Variants in CHSY3 observed in about 807,000 individuals in gnomAD.
The protein encoded by CHSY3 is N-acetylgalactosaminyl-proteoglycan 3-beta-glucuronosyltransferase 3.
CHSY3 carries 35 observed loss-of-function variants against 67.2 expected under a neutral mutation model. The ratio of observed to expected loss-of-function variants is 0.52; its 90% CI spans 0.40 to 0.69. The LOEUF (loss-of-function observed/expected upper bound fraction) is 0.69, where lower values mean the gene tolerates loss of function less well. Among genes scored for constraint, CHSY3 ranks in the 30% least tolerant of loss-of-function variants. The pLI, the probability that CHSY3 is intolerant of heterozygous loss-of-function variation, is 0.00. For synonymous variants in CHSY3, 474 were observed against 434.7 expected, an observed-to-expected ratio of 1.09 and a Z score of -1.12; for missense variants, 1,069 against 1,138.5, an observed-to-expected ratio of 0.94 and a Z score of 0.88.
rs144378742 is a variant in CHSY3, at chr5:130,067,284, G to A, written c.1087-116945G>A. ...TGTGTGTTTCTCTATGGATTTGTCA[G>A]CATTTTATATTTTCATTAGATGTGT... On this transcript the variant is annotated intron_variant, in intron 2 of 2. Coordinates refer to ENST00000305031, the MANE Select transcript of CHSY3 (RefSeq NM_175856.5). Among the ~76,000 whole-genome samples the A allele has an allele frequency of 1.6e-3, 240 of 152,130 alleles. 2 individuals are homozygous for A. The highest frequency in any genetic ancestry group is 5.5e-3 in the African/African-American group (229 of 41,512).
rs146733791 is a variant in CHSY3, at chr5:130,077,193, G to A, written c.1087-107036G>A. Among the ~76,000 whole-genome samples the A allele has an allele frequency of 3.1e-3, 478 of 152,032 alleles. 3 individuals carry two copies. The highest frequency in any genetic ancestry group is 0.01 in the African/African-American group (421 of 41,512). ...AGTATAGTTGGAAGAGGCATAAATG[G>A]TGCCCACATGTGGCCAGAAGAAGTA... On this transcript the variant is annotated intron_variant, in intron 2 of 2. Coordinates refer to ENST00000305031, the MANE Select transcript of CHSY3 (RefSeq NM_175856.5).
chr5:129,931,021 G>C (rs1761290035), intron 2 of CHSY3, among the ~76,000 whole-genome samples: 1 of 152,010 alleles, frequency 6.6e-6, no homozygotes, highest in East Asian at 1.9e-4. Context: ...ATTACAGTCT[G>C]CCTATAGTAA....
intron 2 of CHSY3, among the ~76,000 whole-genome samples, chr5:130,181,869 ATTG>A (rs1275020550): frequency 6.6e-6 from 1 of 152,084 alleles, no homozygotes; most frequent in African/African-American, 2.4e-5. Flanking sequence ...TAATTGATGT[ATTG>A]TTTTTCATTA....
chr5:130,182,159 C>T (rs538571797), intron 2 of CHSY3, among the ~76,000 whole-genome samples: 2 of 152,168 alleles, frequency 1.3e-5, no homozygotes, highest in South Asian at 2.1e-4. Flanking sequence ...CCACTGCCTT[C>T]ACAATGCACA....
intron 2 of CHSY3, among the ~76,000 whole-genome samples, chr5:130,082,541 G>C (rs1198750719): frequency 6.6e-6 from 1 of 151,850 alleles, no homozygotes; most frequent in African/African-American, 2.4e-5. Context: ...TTATATTATT[G>C]CAAGAGTTTA....
chr5:130,114,693 T>A (rs1439159059), intron 2 of CHSY3, among the ~76,000 whole-genome samples: 2 of 152,192 alleles, frequency 1.3e-5, no homozygotes, highest in Non-Finnish European at 2.9e-5. Flanking sequence ...TTATGTGGTA[T>A]GCCTAAAACA....
At chr5:130,174,808 G>C (rs1022799863) in intron 2 of CHSY3, among the ~76,000 whole-genome samples, 1 of 151,994 alleles carries the variant, frequency 6.6e-6, no homozygotes, top group Admixed American at 6.6e-5. Context: ...GTTAAACTGA[G>C]GCACAAAAAG....
intron 2 of CHSY3, among the ~76,000 whole-genome samples, chr5:130,031,814 A>C (rs1764710556): frequency 6.6e-6 from 1 of 152,168 alleles, no homozygotes; most frequent in Non-Finnish European, 1.5e-5. Context: ...ACAAATTGAC[A>C]TTTGGGTAAA....
chr5:129,939,509 A>G (rs1761629929), intron 2 of CHSY3, among the ~76,000 whole-genome samples: 1 of 152,240 alleles, frequency 6.6e-6, no homozygotes, highest in African/African-American at 2.4e-5. Flanking sequence ...CATTTCACAT[A>G]GAGCCTCAGG....
intron 2 of CHSY3, among the ~76,000 whole-genome samples, chr5:130,020,300 A>G (rs1322407042): frequency 2.6e-5 from 4 of 151,468 alleles, no homozygotes; most frequent in African/African-American, 9.7e-5. Flanking sequence ...TGGTGCCTGT[A>G]GTCCAGCTAC....
chr5:130,156,469 A>G lies in CHSY3; in HGVS notation c.1087-27760A>G, dbSNP rs147933302. Among the ~76,000 whole-genome samples, 313 of 152,302 alleles carry G rather than the reference A, an allele frequency of 2.1e-3. 2 individuals carry two copies. The highest frequency in any genetic ancestry group is 7.2e-3 in the African/African-American group (299 of 41,570). On this transcript the variant is annotated intron_variant, in intron 2 of 2. Coordinates refer to ENST00000305031, the MANE Select transcript of CHSY3 (RefSeq NM_175856.5). ...AGCATTTCTTCGCAGCATACCTGTG[A>G]GATGGGTCAATATCACCATTTTACA... is the stretch of plus-strand genomic sequence containing the variant.
intron 2 of CHSY3, among the ~76,000 whole-genome samples, chr5:130,088,767 G>A (rs1401793083): frequency 6.6e-6 from 1 of 152,144 alleles, no homozygotes; most frequent in Admixed American, 6.5e-5. Flanking sequence ...CTTTTACATT[G>A]TTGGTGGGAC....
chr5:130,176,029 C>T (rs1388627366), intron 2 of CHSY3, among the ~76,000 whole-genome samples: 2 of 152,050 alleles, frequency 1.3e-5, no homozygotes, highest in African/African-American at 4.8e-5. Context: ...AGAGCTTCTG[C>T]ACAGTAAAAG....
chr5:129,921,259 C>T (rs1760915611), intron 2 of CHSY3, among the ~76,000 whole-genome samples: 1 of 152,132 alleles, frequency 6.6e-6, no homozygotes, highest in Non-Finnish European at 1.5e-5. Flanking sequence ...GTACTATGCA[C>T]AAGCACTATG....
chr5:130,106,162 C>CTAATTAA, intron 2 of CHSY3, among the ~76,000 whole-genome samples: 1 of 151,518 alleles, frequency 6.6e-6, no homozygotes, highest in Non-Finnish European at 1.5e-5. Context: ...TACTGTACCA[C>CTAATTAA]GTGATACATT....
chr5:130,003,330 T>C (rs1763786284), intron 2 of CHSY3, among the ~76,000 whole-genome samples: 1 of 152,214 alleles, frequency 6.6e-6, no homozygotes, highest in African/African-American at 2.4e-5. Flanking sequence ...GACAGAAGGC[T>C]GTTAAAGGAG....
intron 2 of CHSY3, among the ~76,000 whole-genome samples, chr5:130,125,514 C>T (rs150283308): frequency 4.6e-5 from 7 of 152,236 alleles, no homozygotes; most frequent in Non-Finnish European, 1.0e-4. Context: ...TCCTTTTCAA[C>T]TCATCACTGG....
chr5:130,131,047 C>T (rs759745658), intron 2 of CHSY3, among the ~76,000 whole-genome samples: 1 of 152,162 alleles, frequency 6.6e-6, no homozygotes, highest in Admixed American at 6.6e-5. Context: ...CATTTACTCT[C>T]ACCACTTGTA....
intron 2 of CHSY3, among the ~76,000 whole-genome samples, chr5:130,078,136 AG>A (rs907231267): frequency 6.6e-5 from 10 of 152,226 alleles, no homozygotes; most frequent in African/African-American, 2.2e-4. Context: ...TGTTGGTGAT[AG>A]GATTTTGAAT....
Sources: allele counts gnomAD v4.1 joint callset (sites outside exome capture counted in the v4.1 genomes callset), GRCh38; gene constraint gnomAD v4.1.1; transcripts MANE v1.5; gene names NCBI Gene and HGNC (gene_info 2026-07-23, HGNC 2026-07-21).